Variants in SVEP1 observed in about 807,000 individuals in gnomAD.
SVEP1 encodes sushi, von Willebrand factor type A, EGF and pentraxin domain-containing protein 1.
In SVEP1, 164 loss-of-function variants were observed where a neutral mutation model predicts 367.3. The ratio of observed to expected loss-of-function variants is 0.45; its 90% CI spans 0.39 to 0.51. SVEP1 has a LOEUF of 0.51. Ranked by LOEUF, SVEP1 falls within the 20% of genes least tolerant of loss-of-function variation. The pLI is 0.00. For missense variants in SVEP1, 4,117 were observed against 4,425.3 expected (o/e 0.93, Z 1.98); for synonymous variants, 1,666 against 1,611.6 (o/e 1.03, Z -0.81).
chr9:110,463,557 A>C (rs1240128077), intron 18 of SVEP1, among the ~76,000 whole-genome samples: 2 of 151,784 alleles, frequency 1.3e-5, no homozygotes, highest in Non-Finnish European at 2.9e-5. Context: ...ATAGTAAATC[A>C]ATACCAAAAG....
intron 40 of SVEP1, among the ~76,000 whole-genome samples, chr9:110,398,513 G>C (rs935604681): frequency 3.9e-5 from 6 of 152,166 alleles, no homozygotes; most frequent in Non-Finnish European, 8.8e-5. Flanking sequence ...AAACTAAAGA[G>C]CTTCTGCACA....
At chr9:110,440,213 C>T (rs193028651) in intron 27 of SVEP1, among the ~76,000 whole-genome samples, 109 of 152,294 alleles carry the variant, frequency 7.2e-4, no homozygotes, top group Admixed American at 1.2e-3. Context: ...TACAGCCCAA[C>T]ACTATGTTAT....
chr9:110,575,183 G>A (rs1015136762), intron 1 of SVEP1, among the ~76,000 whole-genome samples: 1 of 152,236 alleles, frequency 6.6e-6, no homozygotes, highest in Non-Finnish European at 1.5e-5. Context: ...ATGGATCCAG[G>A]CTGAAGAGCA....
intron 39 of SVEP1, among the ~76,000 whole-genome samples, chr9:110,401,849 T>C (rs73655339): frequency 0.26 from 40,232 of 151,878 alleles, 5,689 homozygotes; most frequent in South Asian, 0.33. Flanking sequence ...TGTTATTCTA[T>C]TGCTAATATT....
At chr9:110,384,402 T>G (rs1278205616) in intron 43 of SVEP1, among the ~76,000 whole-genome samples, 1 of 151,926 alleles carries the variant, frequency 6.6e-6, no homozygotes, top group South Asian at 2.1e-4. Context: ...CAGTTGCCGG[T>G]GCAGGATTCA....
In SVEP1 at chr9:110,406,100, TC is replaced by T. The variant is rs1220413560; in HGVS notation, c.9440+59del. On this transcript the variant is annotated intron_variant, in intron 38 of 47. Coordinates refer to ENST00000374469, the MANE Select transcript of SVEP1 (RefSeq NM_153366.4). The stretch of plus-strand genomic sequence containing the variant: ...CCCAATCAGCAAAATTTTTGATCGA[TC>T]ACATTTCATTTCATAATCCTGCCCG... 2.0e-6 allele frequency: 3 copies of T among 1,497,216 alleles called. No individual in the cohort carries two copies. The African/African-American group carries it at 4.2e-5, about 21-fold the overall frequency. The allele number at this position is 1,497,216 out of a possible 1,614,324, so 92.7% of individuals were successfully genotyped here.
intron 2 of SVEP1, among the ~76,000 whole-genome samples, chr9:110,548,439 G>A (rs1458244756): frequency 1.3e-5 from 2 of 152,164 alleles, no homozygotes; most frequent in South Asian, 2.1e-4. Context: ...CCCTTTATAT[G>A]TATTAACCCA....
At chr9:110,545,192 T>C (rs1830203945) in intron 3 of SVEP1, among the ~76,000 whole-genome samples, 1 of 152,236 alleles carries the variant, frequency 6.6e-6, no homozygotes, top group Non-Finnish European at 1.5e-5. Context: ...GTTGATTCCA[T>C]ATCTTGGCTA....
At chr9:110,545,320 T>C (rs1588102126) in intron 3 of SVEP1, among the ~76,000 whole-genome samples, 1 of 152,308 alleles carries the variant, frequency 6.6e-6, no homozygotes, top group East Asian at 1.9e-4. Flanking sequence ...AGTTCTCTTT[T>C]TAGTTTTTTG....
At chr9:110,383,384 C>T (rs1455361820) in intron 43 of SVEP1, among the ~76,000 whole-genome samples, 1 of 152,162 alleles carries the variant, frequency 6.6e-6, no homozygotes, top group Non-Finnish European at 1.5e-5. Context: ...TGGGTCGCAC[C>T]TGCACCTGAA....
chr9:110,437,814 A>G (rs888012312), intron 27 of SVEP1, among the ~76,000 whole-genome samples: 1 of 152,006 alleles, frequency 6.6e-6, no homozygotes, highest in Non-Finnish European at 1.5e-5. Context: ...CAAGTCCCCA[A>G]AGTCAACTAC....
intron 5 of SVEP1, among the ~76,000 whole-genome samples, chr9:110,509,555 C>T (rs77743351): frequency 2.0e-5 from 3 of 152,308 alleles, no homozygotes; most frequent in East Asian, 3.9e-4. Context: ...CTATCACCCA[C>T]GCTGGAGTAC....
At chr9:110,450,768 C>G (rs377116160) in intron 23 of SVEP1, among the ~76,000 whole-genome samples, 6 of 152,122 alleles carry the variant, frequency 3.9e-5, no homozygotes, top group South Asian at 4.2e-4. Flanking sequence ...AACCACCATG[C>G]CCAGCCGATA....
chr9:110,423,168 T>TAAAA, intron 36 of SVEP1, among the ~76,000 whole-genome samples: 12 of 103,642 alleles, frequency 1.2e-4, no homozygotes, highest in South Asian at 3.1e-4. Flanking sequence ...AAAAATAAAG[T>TAAAA]AAAAAAAAAA....
intron 17 of SVEP1, among the ~76,000 whole-genome samples, chr9:110,467,498 C>T (rs1828955078): frequency 6.6e-6 from 1 of 152,078 alleles, no homozygotes; most frequent in Admixed American, 6.6e-5. Flanking sequence ...GAAGTGGGGC[C>T]TGGTGGGAGG....
At chr9:110,542,408 CATTGTTTCTGCAGTGAGGATA>C (rs1830162834) in intron 3 of SVEP1, among the ~76,000 whole-genome samples, 1 of 152,068 alleles carries the variant, frequency 6.6e-6, no homozygotes, top group East Asian at 1.9e-4. Context: ...TTCTGAAAGG[CATTGTTTCTGCAGTGAGGATA>C]AATACTCAGA....
intron 1 of SVEP1, among the ~76,000 whole-genome samples, chr9:110,564,221 A>G (rs951942287): frequency 6.6e-6 from 1 of 152,238 alleles, no homozygotes; most frequent in African/African-American, 2.4e-5. Context: ...ACCAAATGCC[A>G]GGATGCATGC....
intron 40 of SVEP1, among the ~76,000 whole-genome samples, chr9:110,396,932 C>T (rs1827772325): frequency 6.6e-6 from 1 of 151,892 alleles, no homozygotes; most frequent in Admixed American, 6.6e-5. Flanking sequence ...GAGCTGGTAC[C>T]ATTCCTTCTG....
intron 1 of SVEP1, among the ~76,000 whole-genome samples, chr9:110,571,740 T>C (rs145224625): frequency 7.7e-4 from 118 of 152,340 alleles, no homozygotes; most frequent in African/African-American, 2.6e-3. Flanking sequence ...TGCCATTGAT[T>C]GTTCCATGTC....
Sources: gnomAD v4.1 joint callset for allele counts (sites outside exome capture counted in the v4.1 genomes callset) on GRCh38, gnomAD v4.1.1 for gene constraint, MANE v1.5 for transcripts, NCBI Gene and HGNC (gene_info 2026-07-23, HGNC 2026-07-21) for gene names.